IL7R: variants seen among roughly 807,000 people sequenced by gnomAD.
IL7R encodes interleukin-7 receptor subunit alpha.
IL7R carries 38 observed loss-of-function variants against 47.0 expected under a neutral mutation model. The ratio of observed to expected loss-of-function variants is 0.81; its 90% CI spans 0.62 to 1.06. The LOEUF (loss-of-function observed/expected upper bound fraction) is 1.06. Ranked by LOEUF, IL7R falls within the 50% of genes least tolerant of loss-of-function variation. IL7R has a pLI of 0.00. For missense variants in IL7R, 633 were observed against 534.8 expected (o/e 1.18, Z -1.81); for synonymous variants, 221 against 199.8 (o/e 1.11, Z -0.89).
At position 35,860,993 on chromosome 5, in the gene IL7R, G is replaced by A; in HGVS notation, c.221+3G>A. 6.2e-7 allele frequency: 1 copy of A among 1,613,308 alleles called. No homozygotes were observed. Among genetic ancestry groups the A allele is most frequent in the Non-Finnish European group, 8.5e-7 (1 of 1,179,314 alleles). On this transcript the variant is annotated splice_donor_region_variant and intron_variant, in intron 2 of 7. Coordinates refer to ENST00000303115, the MANE Select transcript of IL7R (RefSeq NM_002185.5). ...ACCAATCTGGAATTTGAAATATGGT[G>A]AGGGATGGTGGTTTTAATGGTTGCT...
At chr5:35,868,083 G>T (rs370599688) in intron 3 of IL7R, among the ~76,000 whole-genome samples, 10 of 152,062 alleles carry the variant, frequency 6.6e-5, no homozygotes, top group Admixed American at 4.6e-4. Context: ...CCTAAATTCC[G>T]CAGGGCAAGA....
Position 35,873,499 on chromosome 5 carries a change from C to G in IL7R, c.557C>G (p.Thr186Arg). The G allele has an allele frequency of 6.2e-7, 1 of 1,614,006 alleles. No homozygotes were observed. Among genetic ancestry groups the G allele is most frequent in the South Asian group, 1.1e-5 (1 of 91,076 alleles). Residue 186 changes from threonine (T) to arginine (R), a missense_variant, in exon 5 of 8, where the codon ACA becomes AGA. Physicochemically the swap from Thr to Arg is moderately conservative, Grantham distance 71. Coordinates refer to ENST00000303115, the MANE Select transcript of IL7R (RefSeq NM_002185.5). Reference sequence around the variant, plus strand: ...CTCTAGCATGTGAATTTATCCAGCACAAAGCTGACACTCCTGCAGAGAAAG... The same window carrying G: ...CTCTAGCATGTGAATTTATCCAGCAGAAAGCTGACACTCCTGCAGAGAAAG... ...NKWTHVNLSS[T>R]KLTLLQRKLQ...
In IL7R at chr5:35,876,469, T is replaced by C. The variant is rs766645405; in HGVS notation, c.1363T>C (p.Phe455Leu). The C allele has an allele frequency of 6.2e-7, 1 of 1,603,228 alleles. No individual in the cohort carries two copies. Among genetic ancestry groups the C allele is most frequent in the South Asian group, 1.1e-5 (1 of 91,076 alleles). ...AGAAGCATATGTCACCATGTCCAGC[T>C]TCTACCAAAACCAGTGAAGTGTAAG... ...QEEAYVTMSS[F>L]YQNQ is the part of the protein sequence containing the mutation. Residue 455 changes from phenylalanine (F) to leucine (L), a missense_variant, in exon 8 of 8, where the codon TTC becomes CTC. Transcript: ENST00000303115.
At chr5:35,860,724 T>C in intron 1 of IL7R, 128 bp from the exon 2 acceptor site, 1 of 990,136 alleles carries the variant, frequency 1.0e-6, no homozygotes, top group Non-Finnish European at 1.6e-6. Flanking sequence ...TTTTCTTCCT[T>C]GAATACTACA....
At chr5:35,869,482 A>G (rs1027878421) in intron 3 of IL7R, among the ~76,000 whole-genome samples, 6 of 152,242 alleles carry the variant, frequency 3.9e-5, no homozygotes, top group African/African-American at 1.4e-4. Flanking sequence ...AGTGAGCCTC[A>G]GAATCAAAGA....
rs1000140927 is a variant in IL7R at position 35,878,629 on chromosome 5, A to C, written c.*2143A>C. ...TTGTAGAAATGGGAGTCAAGTCTCA[A>C]ATAGGAGGCTCCACAAAATCTCATG... On this transcript the variant is annotated 3_prime_UTR_variant, in exon 8 of 8. Transcript: ENST00000303115. The C allele has an allele frequency of 2.6e-5, 6 of 232,574 alleles. No homozygotes were observed. The highest frequency in any genetic ancestry group is 4.2e-5 in the Non-Finnish European group (5 of 117,724). The allele number at this position is 232,574 out of a possible 1,614,324, so 14.4% of individuals were successfully genotyped here. A position where few individuals can be genotyped will look rare whatever the true frequency, so the allele number is the denominator to read the frequency against.
At position 35,860,758 on chromosome 5, in the gene IL7R, G is replaced by A. The variant is rs921169981; in HGVS notation, c.83-94G>A. The A allele has an allele frequency of 4.1e-6, 5 of 1,223,560 alleles. No individual in the cohort carries two copies. The African/African-American group carries it at 4.5e-5, about 11-fold the overall frequency. 75.8% of individuals were successfully genotyped at this position (1,223,560 alleles called of 1,614,324 possible). ...CATAATCCATTACTATTTCATGTCT[G>A]CCACAGAGTCTGCTATTTTATTAAG... On this transcript the variant is annotated intron_variant, in intron 1 of 7. Transcript: ENST00000303115.
At chr5:35,865,419 T>C (rs1350783638) in intron 2 of IL7R, among the ~76,000 whole-genome samples, 1 of 152,226 alleles carries the variant, frequency 6.6e-6, no homozygotes, top group Non-Finnish European at 1.5e-5. Context: ...GCAATAATCG[T>C]ACATGTGCAT....
chr5:35,875,951 A>T, intron 7 of IL7R, 32 bp from the exon 8 acceptor site: 1 of 1,604,722 alleles, frequency 6.2e-7, no homozygotes, highest in Middle Eastern at 1.7e-4. Context: ...CTCTGGTGCC[A>T]TCTTAATACC....
chr5:35,870,818 T>C (rs938327398), intron 3 of IL7R, among the ~76,000 whole-genome samples: 15 of 151,940 alleles, frequency 9.9e-5, no homozygotes, highest in African/African-American at 3.6e-4. Context: ...TGGCCCAGGG[T>C]GGAAGTGGAT....
intron 3 of IL7R, among the ~76,000 whole-genome samples, chr5:35,868,757 G>A (rs546185134): frequency 2.0e-3 from 310 of 152,252 alleles, no homozygotes; most frequent in African/African-American, 6.8e-3. Context: ...GGAGCATCAG[G>A]GGAGAGCCCA....
At chr5:35,872,463 G>A (rs1050669655) in intron 4 of IL7R, among the ~76,000 whole-genome samples, 7 of 140,382 alleles carry the variant, frequency 5.0e-5, no homozygotes, top group African/African-American at 1.9e-4. Context: ...CTCCCAAAGT[G>A]CTGGGATTAC....
chr5:35,868,960 C>T (rs1456825772), intron 3 of IL7R, among the ~76,000 whole-genome samples: 2 of 152,196 alleles, frequency 1.3e-5, no homozygotes, highest in African/African-American at 4.8e-5. Context: ...GGGAGAGGTA[C>T]GTATGGTACA....
chr5:35,875,686 TATTTG>T, intron 7 of IL7R, 99 bp downstream of exon 7: 1 of 959,814 alleles, frequency 1.0e-6, no homozygotes, highest in South Asian at 1.3e-5. Context: ...CACCTTTTGG[TATTTG>T]ATTCATCCTG....
intron 3 of IL7R, among the ~76,000 whole-genome samples, chr5:35,868,093 A>C (rs1455799299): frequency 1.3e-5 from 2 of 152,114 alleles, no homozygotes; most frequent in African/African-American, 2.4e-5. Flanking sequence ...GCAGGGCAAG[A>C]AACTCAAGCA....
At chr5:35,865,193 A>G (rs1463555388) in intron 2 of IL7R, among the ~76,000 whole-genome samples, 2 of 152,046 alleles carry the variant, frequency 1.3e-5, no homozygotes, top group Non-Finnish European at 2.9e-5. Context: ...CCCATCTATG[A>G]GTGAGAACAT....
At chr5:35,859,110 TA>T (rs1235264849) in intron 1 of IL7R, among the ~76,000 whole-genome samples, 4 of 152,244 alleles carry the variant, frequency 2.6e-5, no homozygotes, top group African/African-American at 9.6e-5. Flanking sequence ...AGCTGCTTCC[TA>T]AAACACAGCC....
In IL7R at chr5:35,857,029, G is replaced by A. The variant is rs1320815333; in HGVS notation, c.52G>A (p.Val18Ile). 1.1e-5 allele frequency: 18 copies of A among 1,609,338 alleles called. No homozygotes were observed. Among genetic ancestry groups the A allele is most frequent in the Middle Eastern group, 1.6e-4 (1 of 6,076 alleles). The change falls in exon 1 of 8, where the codon GTT becomes ATT. Residue 18 changes from valine (V) to isoleucine (I), a missense_variant. Val to Ile is a conservative substitution (Grantham distance 29, BLOSUM62 3). Coordinates refer to ENST00000303115, the MANE Select transcript of IL7R (RefSeq NM_002185.5). ...CATGGTTTTTTCTTTACTTCAAGTC[G>A]TTTCTGGAGAAAGTGGCTATGCTCA... ...FGMVFSLLQV[V>I]SGESGYAQNG... is the part of the protein sequence containing the mutation.
chr5:35,877,738 C>T lies in IL7R; in HGVS notation c.*1252C>T, dbSNP rs1760252650. 2 of 233,120 alleles carry T rather than the reference C, an allele frequency of 8.6e-6. No homozygotes were observed. The highest frequency in any genetic ancestry group is 8.5e-6 in the Non-Finnish European group (1 of 118,048). 14.4% of individuals were successfully genotyped at this position (233,120 alleles called of 1,614,324 possible). On this transcript the variant is annotated 3_prime_UTR_variant, in exon 8 of 8. Transcript: ENST00000303115. ...CTGTGGCTACAATCTTGAAGATATACGGAAGAGACGTATTATTAATGCTTG... is the reference window on the plus strand; with the variant it reads ...CTGTGGCTACAATCTTGAAGATATATGGAAGAGACGTATTATTAATGCTTG...
Sources: gnomAD v4.1 joint callset for allele counts (sites outside exome capture counted in the v4.1 genomes callset) on GRCh38, gnomAD v4.1.1 for gene constraint, MANE v1.5 for transcripts, NCBI Gene and HGNC (gene_info 2026-07-23, HGNC 2026-07-21) for gene names.